GALNTL6: variants seen among roughly 807,000 people sequenced by gnomAD.
GALNTL6 encodes polypeptide N-acetylgalactosaminyltransferase-like 6.
A neutral mutation model predicts 73.7 loss-of-function variants in GALNTL6; 46 were observed. The ratio of observed to expected loss-of-function variants is 0.62; its 90% CI spans 0.49 to 0.80. The LOEUF (loss-of-function observed/expected upper bound fraction) is 0.80. Among genes scored for constraint, GALNTL6 ranks in the 30% least tolerant of loss-of-function variants. GALNTL6 has a pLI of 0.00. For synonymous variants in GALNTL6, 259 were observed against 263.7 expected (o/e 0.98, Z 0.17); for missense variants, 604 against 755.0 (o/e 0.80, Z 2.34).
intron 5 of GALNTL6, among the ~76,000 whole-genome samples, chr4:172,629,768 C>T (rs1270206836): frequency 6.6e-6 from 1 of 152,124 alleles, no homozygotes; most frequent in African/African-American, 2.4e-5. Flanking sequence ...TGATGTAGAA[C>T]ATTCCATATT....
At chr4:172,153,188 AT>A (rs1734152386) in intron 2 of GALNTL6, among the ~76,000 whole-genome samples, 1 of 152,218 alleles carries the variant, frequency 6.6e-6, no homozygotes, top group South Asian at 2.1e-4. Context: ...CAGCTTTGAC[AT>A]CTGAAGAGAT....
At chr4:172,380,267 T>C in intron 5 of GALNTL6, 1 of 849,060 alleles carries the variant, frequency 1.2e-6, no homozygotes, top group East Asian at 2.5e-5. Context: ...ATGACAAATT[T>C]TGGTCATAAA....
chr4:171,930,868 G>A (rs1738163555), intron 2 of GALNTL6, among the ~76,000 whole-genome samples: 1 of 152,034 alleles, frequency 6.6e-6, no homozygotes, highest in Non-Finnish European at 1.5e-5. Context: ...ATCAGGAACA[G>A]GACAATTATA....
intron 10 of GALNTL6, among the ~76,000 whole-genome samples, chr4:172,968,519 C>A (rs1267088048): frequency 6.6e-6 from 1 of 152,016 alleles, no homozygotes; most frequent in Non-Finnish European, 1.5e-5. Context: ...CCTCCCTCTA[C>A]AAAAAAAGAA....
At chr4:172,342,193 C>T (rs1392223065) in intron 4 of GALNTL6, among the ~76,000 whole-genome samples, 2 of 151,956 alleles carry the variant, frequency 1.3e-5, no homozygotes, top group Admixed American at 6.5e-5. Flanking sequence ...GCATACATCT[C>T]ACAAAAACGT....
intron 2 of GALNTL6, among the ~76,000 whole-genome samples, chr4:172,140,661 T>A (rs753152941): frequency 6.6e-6 from 1 of 152,060 alleles, no homozygotes; most frequent in African/African-American, 2.4e-5. Context: ...TCAACTGTTA[T>A]GTTAGTCTCA....
At chr4:171,991,328 A>C (rs1360297257) in intron 2 of GALNTL6, among the ~76,000 whole-genome samples, 1 of 152,090 alleles carries the variant, frequency 6.6e-6, no homozygotes, top group African/African-American at 2.4e-5. Flanking sequence ...TATGCCAAAA[A>C]TTATTTTCTG....
At chr4:172,726,907 T>C (rs1000807091) in intron 5 of GALNTL6, among the ~76,000 whole-genome samples, 2 of 152,178 alleles carry the variant, frequency 1.3e-5, no homozygotes, top group African/African-American at 4.8e-5. Flanking sequence ...AAATGTCAGG[T>C]CATCTTCATT....
chr4:172,385,871 TTTTC>T (rs1408320331), intron 5 of GALNTL6, among the ~76,000 whole-genome samples: 2 of 151,978 alleles, frequency 1.3e-5, no homozygotes, highest in Non-Finnish European at 2.9e-5. Flanking sequence ...CATATACATA[TTTTC>T]AAGTGTACTA....
intron 5 of GALNTL6, among the ~76,000 whole-genome samples, chr4:172,653,218 T>G (rs554646406): frequency 2.9e-5 from 1 of 34,636 alleles, no homozygotes; most frequent in East Asian, 1.1e-3. Flanking sequence ...TCTATTTCTC[T>G]TCTTCCTTTT....
At chr4:172,065,490 A>G (rs995503275) in intron 2 of GALNTL6, among the ~76,000 whole-genome samples, 1 of 152,188 alleles carries the variant, frequency 6.6e-6, no homozygotes, top group Non-Finnish European at 1.5e-5. Flanking sequence ...ATTCAAATGT[A>G]ACATCATAGG....
chr4:172,041,791 C>T (rs1177521177), intron 2 of GALNTL6, among the ~76,000 whole-genome samples: 1 of 151,998 alleles, frequency 6.6e-6, no homozygotes, highest in African/African-American at 2.4e-5. Context: ...TACATTAGCA[C>T]TCTTCTCATT....
intron 5 of GALNTL6, among the ~76,000 whole-genome samples, chr4:172,494,778 G>T (rs904942228): frequency 1.3e-5 from 2 of 152,192 alleles, no homozygotes; most frequent in Admixed American, 1.3e-4. Context: ...AGAAGACTCA[G>T]CAAGTCCAGT....
intron 5 of GALNTL6, among the ~76,000 whole-genome samples, chr4:172,708,834 T>G (rs1216451900): frequency 6.6e-6 from 1 of 152,128 alleles, no homozygotes; most frequent in African/African-American, 2.4e-5. Flanking sequence ...TCATCCAAGT[T>G]TTCTTTTTTT....
intron 2 of GALNTL6, among the ~76,000 whole-genome samples, chr4:172,048,069 C>G (rs1380484938): frequency 1.3e-5 from 2 of 152,012 alleles, no homozygotes; most frequent in Non-Finnish European, 2.9e-5. Context: ...TTATCTTTCT[C>G]TTATCTTCAC....
chr4:172,778,441 G>A (rs1263088319), intron 5 of GALNTL6, among the ~76,000 whole-genome samples: 1 of 152,192 alleles, frequency 6.6e-6, no homozygotes, highest in African/African-American at 2.4e-5. Flanking sequence ...ATGTGTTCAT[G>A]ATACATAACA....
At chr4:172,352,376 C>T (rs1214923701) in intron 5 of GALNTL6, among the ~76,000 whole-genome samples, 2 of 152,168 alleles carry the variant, frequency 1.3e-5, no homozygotes, top group Non-Finnish European at 2.9e-5. Flanking sequence ...AAGTTTTCAA[C>T]AACCACCACT....
At chr4:172,698,615 A>G (rs1029055530) in intron 5 of GALNTL6, among the ~76,000 whole-genome samples, 1 of 152,160 alleles carries the variant, frequency 6.6e-6, no homozygotes, top group Admixed American at 6.5e-5. Flanking sequence ...TGGATTCTTA[A>G]CGATGATTCA....
intron 5 of GALNTL6, among the ~76,000 whole-genome samples, chr4:172,468,960 A>G (rs1377426610): frequency 6.6e-6 from 1 of 152,190 alleles, no homozygotes; most frequent in Admixed American, 6.5e-5. Context: ...GAGACTAAAA[A>G]GCTTAAGAAA....
Sources: gnomAD v4.1 joint callset for allele counts (sites outside exome capture counted in the v4.1 genomes callset) on GRCh38, gnomAD v4.1.1 for gene constraint, MANE v1.5 for transcripts, NCBI Gene and HGNC (gene_info 2026-07-23, HGNC 2026-07-21) for gene names.